MYO6: variants seen among roughly 807,000 people sequenced by gnomAD.
MYO6 encodes the protein myosin VI, also known as unconventional myosin-VI.
In MYO6, 74 loss-of-function variants were observed where a neutral mutation model predicts 178.7. The ratio of observed to expected loss-of-function variants is 0.41; its 90% confidence interval spans 0.34 to 0.50. The LOEUF (loss-of-function observed/expected upper bound fraction) is 0.50, where lower values mean the gene tolerates loss of function less well. MYO6 is among the 20% of genes least tolerant of loss of function. MYO6 has a pLI of 0.09. For synonymous variants in MYO6, 477 were observed against 504.6 expected (o/e 0.95, Z 0.73); for missense variants, 1,330 against 1,547.4 (o/e 0.86, Z 2.36).
At position 75,828,627 on chromosome 6, in the gene MYO6, C is replaced by G. The variant is rs780419115; in HGVS notation, c.261+14C>G. On this transcript the variant is annotated intron_variant, in intron 4 of 34. Coordinates refer to ENST00000369977, the MANE Select transcript of MYO6 (RefSeq NM_004999.4). ...GACAGAATTTATGTAAGTATTTTACCTGTAGTGTAAGTTTTTGTGGAGATA... is the reference window on the plus strand; with the variant it reads ...GACAGAATTTATGTAAGTATTTTACGTGTAGTGTAAGTTTTTGTGGAGATA... 7 of 1,477,682 alleles carry G rather than the reference C, an allele frequency of 4.7e-6. No homozygotes were observed. The South Asian group carries it at 7.9e-5, about 17-fold the overall frequency. The allele number at this position is 1,477,682 out of a possible 1,614,324, so 91.5% of individuals were successfully genotyped here. A position where few individuals can be genotyped will look rare whatever the true frequency, so the allele number is the denominator to read the frequency against.
chr6:75,908,035 A>G (rs764147059), intron 31 of MYO6, among the ~76,000 whole-genome samples: 2 of 152,226 alleles, frequency 1.3e-5, no homozygotes, highest in Non-Finnish European at 2.9e-5. Flanking sequence ...CGATGAATTC[A>G]GAAAACTATG....
At chr6:75,893,782 A>G (rs1779088489) in intron 28 of MYO6, among the ~76,000 whole-genome samples, 1 of 152,234 alleles carries the variant, frequency 6.6e-6, no homozygotes, top group East Asian at 1.9e-4. Context: ...CTATATGAAC[A>G]AAAGATGTTA....
In MYO6 at chr6:75,759,360, G is replaced by A. The variant is rs73458869; in HGVS notation, c.-48+9937G>A. On this transcript the variant is annotated intron_variant, in intron 1 of 34. Transcript: ENST00000369977. ...TTTGCAGAGGTTAGAGAACAAACAA[G>A]TGTGGTAAAGCGCTCAGGGATTAGA... Among the ~76,000 whole-genome samples, 176 of 152,340 alleles carry A rather than the reference G, an allele frequency of 1.2e-3. 1 individual carries two copies. Among genetic ancestry groups the A allele is most frequent in the African/African-American group, 3.9e-3 (163 of 41,566 alleles).
chr6:75,853,799 A>G (rs1215678121), intron 11 of MYO6, among the ~76,000 whole-genome samples: 2 of 152,202 alleles, frequency 1.3e-5, no homozygotes, highest in Non-Finnish European at 2.9e-5. Flanking sequence ...TATTTGTAAA[A>G]TGCTATTTTT....
intron 6 of MYO6, among the ~76,000 whole-genome samples, chr6:75,834,682 C>A (rs1208117693): frequency 1.3e-5 from 2 of 152,214 alleles, no homozygotes; most frequent in African/African-American, 4.8e-5. Flanking sequence ...GTTACTCCCA[C>A]AGAATTATAG....
At chr6:75,857,292 A>T in intron 13 of MYO6, 38 bp downstream of exon 13, 1 of 1,584,900 alleles carries the variant, frequency 6.3e-7, no homozygotes, top group East Asian at 2.2e-5. Flanking sequence ...TATTTGTTTC[A>T]TATTTTTTCA....
intron 13 of MYO6, 90 bp downstream of exon 13, chr6:75,857,344 C>T (rs1775810477): frequency 7.6e-7 from 1 of 1,313,812 alleles, no homozygotes; most frequent in Non-Finnish European, 1.1e-6. Flanking sequence ...CTTTGTAACT[C>T]ATTTTACTTG....
At position 75,882,374 on chromosome 6, in the gene MYO6, G is replaced by A. The variant is rs572934404; in HGVS notation, c.2416+556G>A. On this transcript the variant is annotated intron_variant, in intron 23 of 34. Coordinates refer to ENST00000369977, the MANE Select transcript of MYO6 (RefSeq NM_004999.4). Reference sequence around the variant, plus strand: ...TTCTTAGAGATATCTCTCTAAACTAGAAGCCTTTTATAACTTTCCTTTCAT... The same window carrying A: ...TTCTTAGAGATATCTCTCTAAACTAAAAGCCTTTTATAACTTTCCTTTCAT... 2.6e-5 allele frequency among the ~76,000 whole-genome samples: 4 copies of A among 152,236 alleles called. No homozygotes were observed. In the East Asian group the frequency reaches 7.7e-4, roughly 29 times the overall value.
At chr6:75,775,898 T>C (rs1766337191) in intron 1 of MYO6, among the ~76,000 whole-genome samples, 1 of 152,200 alleles carries the variant, frequency 6.6e-6, no homozygotes, top group Non-Finnish European at 1.5e-5. Flanking sequence ...TGAATCCTGA[T>C]AGGCAGAGCA....
intron 1 of MYO6, among the ~76,000 whole-genome samples, chr6:75,754,639 G>A (rs542509346): frequency 1.3e-5 from 2 of 149,114 alleles, no homozygotes; most frequent in Admixed American, 1.4e-4. Context: ...TTTTTCAACA[G>A]ATATTTACTG....
At position 75,862,673 on chromosome 6, in the gene MYO6, C is replaced by T. The variant is rs1003699166; in HGVS notation, c.1624C>T (p.His542Tyr). The change falls in exon 16 of 35, where the codon CAC becomes TAC. Residue 542 changes from histidine to tyrosine, a missense_variant. His to Tyr is a moderately conservative substitution (Grantham distance 83, BLOSUM62 2). Transcript: ENST00000369977. ...TCGCCTTCCCCAGCCAAGTGATCAACACTTTACATCTGCAGTTCACCAAAA... is the reference window on the plus strand; with the variant it reads ...TCGCCTTCCCCAGCCAAGTGATCAATACTTTACATCTGCAGTTCACCAAAA... Reference protein sequence around the residue: ...ENRLPQPSDQHFTSAVHQKHK... With the variant: ...ENRLPQPSDQYFTSAVHQKHK... 3 of 1,613,954 alleles carry T rather than the reference C, an allele frequency of 1.9e-6. No individual in the cohort carries two copies. The highest frequency in any genetic ancestry group is 2.7e-5 in the African/African-American group (2 of 74,918).
At chr6:75,765,521 T>A (rs1223592747) in intron 1 of MYO6, among the ~76,000 whole-genome samples, 1 of 152,090 alleles carries the variant, frequency 6.6e-6, no homozygotes, top group Non-Finnish European at 1.5e-5. Flanking sequence ...TAAAATTCTG[T>A]AGGGAAGAAA....
At chr6:75,821,253 C>A (rs1331923427) in intron 2 of MYO6, among the ~76,000 whole-genome samples, 2 of 152,146 alleles carry the variant, frequency 1.3e-5, no homozygotes, top group African/African-American at 4.8e-5. Flanking sequence ...TTTGACATGG[C>A]TCCTACCAGG....
chr6:75,787,730 C>CTCTCTA (rs1767784406), intron 1 of MYO6, among the ~76,000 whole-genome samples: 4 of 11,652 alleles, frequency 3.4e-4, no homozygotes, highest in African/African-American at 7.2e-4. Flanking sequence ...CTCTCTCTCT[C>CTCTCTA]TATATATATA....
Position 75,914,029 on chromosome 6 carries a change from C to T in MYO6, c.3440-34C>T, listed in dbSNP as rs1422471940. Reference sequence around the variant, plus strand: ...AAAGGCTCTTTTCTTTTCCCTTGAGCTGCTGGTATAACTTTCCTTGTTCTG... The same window carrying T: ...AAAGGCTCTTTTCTTTTCCCTTGAGTTGCTGGTATAACTTTCCTTGTTCTG... On this transcript the variant is annotated intron_variant, in intron 33 of 34. Transcript: ENST00000369977. 4 of 1,601,740 alleles carry T rather than the reference C, an allele frequency of 2.5e-6. No individual in the cohort carries two copies. The Admixed American group carries it at 5.0e-5, about 20-fold the overall frequency.
At chr6:75,757,065 CAT>C (rs1232155385) in intron 1 of MYO6, among the ~76,000 whole-genome samples, 5 of 139,980 alleles carry the variant, frequency 3.6e-5, no homozygotes, top group South Asian at 4.6e-4. Context: ...TGTATACACA[CAT>C]ATATAGTGTG....
chr6:75,805,948 A>G (rs1770032174), intron 1 of MYO6, among the ~76,000 whole-genome samples: 3 of 152,156 alleles, frequency 2.0e-5, no homozygotes, highest in Non-Finnish European at 2.9e-5. Context: ...ATATGCAAAC[A>G]TGTTTAGTTA....
chr6:75,818,707 T>C (rs1771543721), intron 2 of MYO6, among the ~76,000 whole-genome samples: 1 of 152,182 alleles, frequency 6.6e-6, no homozygotes, highest in African/African-American at 2.4e-5. Context: ...AGAAAACTAT[T>C]CTGTTACTGT....
intron 16 of MYO6, 121 bp from the exon 17 acceptor site, chr6:75,866,405 G>A: frequency 2.7e-6 from 2 of 736,104 alleles, no homozygotes; most frequent in Admixed American, 2.1e-5. Context: ...CAGTATAATT[G>A]TGAAAAGTGT....
Sources: gnomAD v4.1 joint callset for allele counts (sites outside exome capture counted in the v4.1 genomes callset) on GRCh38, gnomAD v4.1.1 for gene constraint, MANE v1.5 for transcripts, NCBI Gene and HGNC (gene_info 2026-07-23, HGNC 2026-07-21) for gene names.